Variants in ADAR observed in about 807,000 individuals in gnomAD.
ADAR encodes the protein adenosine deaminase RNA specific.
In ADAR, 41 loss-of-function variants were observed where a neutral mutation model predicts 113.2. The observed-to-expected ratio is 0.36, with a 90% CI of 0.28 to 0.47. The LOEUF (loss-of-function observed/expected upper bound fraction) is 0.47. Among genes scored for constraint, ADAR ranks in the 20% least tolerant of loss-of-function variants. ADAR has a pLI of 1.00. For missense variants in ADAR, 1,242 were observed against 1,540.9 expected (o/e 0.81, Z 3.25); for synonymous variants, 605 against 572.6 (o/e 1.06, Z -0.81).
Position 154,596,808 on chromosome 1 carries a change from G to C in ADAR, c.2267C>G (p.Pro756Arg), listed in dbSNP as rs1198039981. 1.2e-6 allele frequency: 2 copies of C among 1,612,722 alleles called. No homozygotes were observed. Among genetic ancestry groups the C allele is most frequent in the Non-Finnish European group, 1.7e-6 (2 of 1,180,008 alleles). ...LVDQSGPPHEPKFVYQAKVGG... is the reference protein window; with the variant it reads ...LVDQSGPPHERKFVYQAKVGG... Reference sequence around the variant, plus strand: ...TAGCCAGGACTAGGACACTCACTTGGGCTCGTGAGGAGGTCCGGACTGGTC... The same window carrying C: ...TAGCCAGGACTAGGACACTCACTTGCGCTCGTGAGGAGGTCCGGACTGGTC... The change falls in exon 6 of 15, where the codon CCC (proline) becomes CGC (arginine). Residue 756 changes from proline to arginine, a missense_variant. Pro to Arg is a moderately radical substitution (Grantham distance 103, BLOSUM62 -2). Transcript: ENST00000368474.
chr1:154,615,102 A>G (rs1207108034), intron 1 of ADAR, among the ~76,000 whole-genome samples: 1 of 152,246 alleles, frequency 6.6e-6, no homozygotes, highest in Non-Finnish European at 1.5e-5. Context: ...TCTCCCCTAC[A>G]GCCTCTGGAG....
rs201025027 is a variant in ADAR at position 154,601,499 on chromosome 1, A to C, written c.1143T>G (p.Pro381=). ...GGAACTCTGCGTTTCTTTTGGTCTCAGGGATTGCAGCTGGAGCGGTTTCAG... is the reference window on the plus strand; with the variant it reads ...GGAACTCTGCGTTTCTTTTGGTCTCCGGGATTGCAGCTGGAGCGGTTTCAG... ...SVPETAPAAI[P]ETKRNAEFLT... Residue 381 remains proline (P), a synonymous_variant, in exon 2 of 15, where the codon CCT becomes CCG. Coordinates refer to ENST00000368474, the MANE Select transcript of ADAR (RefSeq NM_001111.5). The surrounding 1 kb of genome is among the most constrained non-coding windows in gnomAD (Gnocchi z 4.7). 7 of 1,614,066 alleles carry C rather than the reference A, an allele frequency of 4.3e-6. No homozygotes were observed. The East Asian group carries it at 1.1e-4, about 26-fold the overall frequency.
At chr1:154,594,858 G>A (rs931377445) in intron 6 of ADAR, among the ~76,000 whole-genome samples, 20 of 152,168 alleles carry the variant, frequency 1.3e-4, no homozygotes, top group African/African-American at 4.8e-4. Context: ...AGGAGTCAAC[G>A]TATAAAACAG....
At chr1:154,600,886 A>G (rs886121342) in intron 2 of ADAR, 155 bp downstream of exon 2, 1 of 1,051,160 alleles carries the variant, frequency 9.5e-7, no homozygotes, top group African/African-American at 1.6e-5. Flanking sequence ...TATCTGGAGA[A>G]AGGGCCAATC....
At chr1:154,598,306 T>C (rs1000625089) in intron 3 of ADAR, 96 bp downstream of exon 3, 2 of 1,330,290 alleles carry the variant, frequency 1.5e-6, no homozygotes, top group Admixed American at 1.7e-5. Flanking sequence ...TCCGAGATGG[T>C]GTCAGTTGTT....
At position 154,588,126 on chromosome 1, in the gene ADAR, G is replaced by A. The variant is rs151241634; in HGVS notation, c.3018C>T (p.Asn1006=). The A allele has an allele frequency of 8.6e-4, 1,393 of 1,613,700 alleles. No individual in the cohort carries two copies. Among genetic ancestry groups the A allele is most frequent in the Non-Finnish European group, 1.1e-3 (1,262 of 1,179,964 alleles). ...KQGKLRTKVE[N]GEGTIPVESS... ...GAGGCGGGGGCATGTATCACTCACC[G>A]TTCTCCACCTTGGTGCGGAGCTTTC... The change falls in exon 11 of 15, where the codon AAC becomes AAT. Residue 1006 remains asparagine, a splice_region_variant and synonymous_variant. Coordinates refer to ENST00000368474, the MANE Select transcript of ADAR (RefSeq NM_001111.5).
chr1:154,597,746 TC>T, intron 4 of ADAR, 81 bp downstream of exon 4: 1 of 1,580,136 alleles, frequency 6.3e-7, no homozygotes, highest in Non-Finnish European at 8.7e-7. Flanking sequence ...CAATCTGCCA[TC>T]CCTGAGGAGG....
At chr1:154,610,808 C>CAAAAAAAAAAAAAAAAAAAAAAAA (rs1369386387), upstream of ADAR, among the ~76,000 whole-genome samples, 7 of 40,558 alleles carry the variant, frequency 1.7e-4, no homozygotes, top group Non-Finnish European at 2.0e-4. Context: ...GACACCGTCT[C>CAAAAAAAAAAAAAAAAAAAAAAAA]AAAAAAAAAA....
upstream of ADAR, among the ~76,000 whole-genome samples, chr1:154,608,368 G>A (rs530938244): frequency 1.7e-4 from 24 of 143,770 alleles, no homozygotes; most frequent in South Asian, 5.1e-3. Context: ...CGCTCTTTTT[G>A]CCCAGGCTGG....
intron 6 of ADAR, among the ~76,000 whole-genome samples, chr1:154,596,208 G>A (rs948447555): frequency 2.0e-5 from 3 of 152,200 alleles, no homozygotes; most frequent in Non-Finnish European, 4.4e-5. Context: ...AGACGGAAAT[G>A]AGACTTTTCA....
In ADAR at chr1:154,597,215, G is replaced by C. The variant is rs763748775; in HGVS notation, c.1987C>G (p.Pro663Ala). Residue 663 changes from proline to alanine, a missense_variant, in exon 5 of 15, where the codon CCC becomes GCC. Physicochemically the swap from Pro to Ala is conservative, Grantham distance 27. Around this residue, in one of 2 missense-constraint regions of ADAR, gnomAD observed 780 missense variants for 1,057.9 expected, o/e 0.74. Transcript: ENST00000368474. ...GAQTFPSVSA[P>A]SKKVAKQMAA... ...ATCTGCTTTGCCACTTTCTTGCTGG[G>C]AGCACTCACACTGGGGAAAGTTTGG... 1 of 1,614,028 alleles carries C rather than the reference G, an allele frequency of 6.2e-7. No individual in the cohort carries two copies. Among genetic ancestry groups the C allele is most frequent in the Non-Finnish European group, 8.5e-7 (1 of 1,180,022 alleles).
At position 154,602,538 on chromosome 1, in the gene ADAR, G is replaced by T. The variant is rs759173512; in HGVS notation, c.104C>A (p.Ser35Tyr). Residue 35 changes from serine (S) to tyrosine (Y), a missense_variant, in exon 2 of 15, where the codon TCC becomes TAC. Around this residue, in one of 2 missense-constraint regions of ADAR, gnomAD observed 462 missense variants for 483.1 expected, o/e 0.96. Transcript: ENST00000368474. Reference sequence around the variant, plus strand: ...TTGCTTAAGCAGGAAACTACTGGGGGAAGATCCTGGCCCAGGCTGCTGGTA... The same window carrying T: ...TTGCTTAAGCAGGAAACTACTGGGGTAAGATCCTGGCCCAGGCTGCTGGTA... ...LRYQQPGPGS[S>Y]PSSFLLKQIE... 6.2e-7 allele frequency: 1 copy of T among 1,614,232 alleles called. No individual in the cohort carries two copies. Among genetic ancestry groups the T allele is most frequent in the Non-Finnish European group, 8.5e-7 (1 of 1,180,028 alleles).
chr1:154,582,132 C>T lies in ADAR; in HGVS notation c.*2674G>A, dbSNP rs1696445820. The T allele has an allele frequency of 6.6e-6, 1 of 152,316 alleles. No homozygotes were observed. Among genetic ancestry groups the T allele is most frequent in the South Asian group, 2.1e-4 (1 of 4,804 alleles). The allele number at this position is 152,316 out of a possible 1,614,324, so 9.4% of individuals were successfully genotyped here. A position where few individuals can be genotyped will look rare whatever the true frequency, so the allele number is the denominator to read the frequency against. On this transcript the variant is annotated 3_prime_UTR_variant, in exon 15 of 15. Transcript: ENST00000368474. ...TTGTTAAGTCACTGTTATCAAGGGA[C>T]ACATAAAAGCAGAATCATAAAACTG...
At chr1:154,600,883 A>T in intron 2 of ADAR, 158 bp downstream of exon 2, 1 of 1,028,412 alleles carries the variant, frequency 9.7e-7, no homozygotes, top group Non-Finnish European at 1.5e-6. Flanking sequence ...CAATATCTGG[A>T]GAAAGGGCCA....
intron 6 of ADAR, among the ~76,000 whole-genome samples, chr1:154,594,540 C>T (rs1408576727): frequency 6.6e-6 from 1 of 152,192 alleles, no homozygotes; most frequent in East Asian, 1.9e-4. Flanking sequence ...TATCTGACTC[C>T]CGCATCCCAA....
rs752904311 is a variant in ADAR, at chr1:154,601,981, G to A, written c.661C>T (p.Pro221Ser). The A allele has an allele frequency of 3.1e-6, 5 of 1,613,956 alleles. No homozygotes were observed. The Admixed American group carries it at 5.0e-5, about 16-fold the overall frequency. Residue 221 changes from proline (P) to serine (S), a missense_variant, in exon 2 of 15, where the codon CCA becomes TCA. By Grantham distance (74) the Pro-to-Ser change is moderately conservative. Around this residue, in one of 2 missense-constraint regions of ADAR, gnomAD observed 462 missense variants for 483.1 expected, o/e 0.96. Transcript: ENST00000368474. The surrounding 1 kb of genome is among the most constrained non-coding windows in gnomAD (Gnocchi z 4.7). ...VRPDGHSQGAPNSDPSLEPED... is the reference protein window; with the variant it reads ...VRPDGHSQGASNSDPSLEPED... ...GGTTCCAAACTCGGGTCTGAGTTTG[G>A]GGCTCCTTGGCTATGACCGTCTGGT... is the stretch of plus-strand genomic sequence containing the variant.
upstream of ADAR, among the ~76,000 whole-genome samples, chr1:154,609,527 T>A (rs1474697013): frequency 6.6e-6 from 1 of 152,226 alleles, no homozygotes; most frequent in Non-Finnish European, 1.5e-5. Flanking sequence ...TTGCACATTC[T>A]ATTCGTTGGC....
chr1:154,582,617 G>T lies in ADAR; in HGVS notation c.*2189C>A. ...AGATAAGATCTTGGGGGTGAGTGGG[G>T]GTTCTGATCTTGTGAGAGCCTGTGT... On this transcript the variant is annotated 3_prime_UTR_variant, in exon 15 of 15. Coordinates refer to ENST00000368474, the MANE Select transcript of ADAR (RefSeq NM_001111.5). 1 of 152,852 alleles carries T rather than the reference G, an allele frequency of 6.5e-6. No homozygotes were observed. The highest frequency in any genetic ancestry group is 1.5e-5 in the Non-Finnish European group (1 of 68,486). The allele number at this position is 152,852 out of a possible 1,614,324, so 9.5% of individuals were successfully genotyped here.
chr1:154,597,956 G>C lies in ADAR; in HGVS notation c.1806C>G (p.Pro602=). 1 of 1,614,072 alleles carries C rather than the reference G, an allele frequency of 6.2e-7. No individual in the cohort carries two copies. Among genetic ancestry groups the C allele is most frequent in the Non-Finnish European group, 8.5e-7 (1 of 1,179,990 alleles). ...AAAAGAAGGATGTGGCTGAAGGGGT[G>C]GGGGTCTGGGACTCTGCAGTCTAGA... The part of the protein sequence containing the change: ...ESEKTAESQT[P]TPSATSFFSG... Residue 602 remains proline (P), a synonymous_variant, in exon 4 of 15, where the codon CCC becomes CCG. Coordinates refer to ENST00000368474, the MANE Select transcript of ADAR (RefSeq NM_001111.5).
Sources: gnomAD v4.1 joint callset for allele counts (sites outside exome capture counted in the v4.1 genomes callset) on GRCh38, gnomAD v4.1.1 for gene constraint, gnomAD v4.1.1 regional missense constraint, Gnocchi (gnomAD v3.1) non-coding constraint, MANE v1.5 for transcripts, NCBI Gene and HGNC (gene_info 2026-07-23, HGNC 2026-07-21) for gene names.